MYO9B: variants seen among roughly 807,000 people sequenced by gnomAD.
MYO9B encodes the protein myosin IXB.
Under a neutral mutation model 229.5 loss-of-function variants are expected in MYO9B, and 71 were observed. The ratio of observed to expected loss-of-function variants is 0.31; its 90% CI spans 0.26 to 0.38. The LOEUF is 0.38. Ranked by LOEUF, MYO9B falls within the 10% of genes least tolerant of loss-of-function variation. The pLI is 1.00. For synonymous variants in MYO9B, 1,185 were observed against 1,235.8 expected, an observed-to-expected ratio of 0.96 and a Z score of 0.86; for missense variants, 2,255 against 2,920.5, an observed-to-expected ratio of 0.77 and a Z score of 5.25.
chr19:17,207,027 C>T, intron 34 of MYO9B, 86 bp from the exon 35 acceptor site: 3 of 1,529,728 alleles, frequency 2.0e-6, no homozygotes, highest in Non-Finnish European at 2.7e-6. Flanking sequence ...AACAGCCACC[C>T]CAGGGCTCAG....
intron 15 of MYO9B, among the ~76,000 whole-genome samples, chr19:17,182,377 C>T (rs374052757): frequency 2.4e-4 from 36 of 152,174 alleles, no homozygotes; most frequent in Middle Eastern, 3.4e-3. Context: ...CATGAGCCAC[C>T]GCACCCAGTG....
intron 11 of MYO9B, among the ~76,000 whole-genome samples, chr19:17,170,613 C>A (rs1402983784): frequency 7.2e-6 from 1 of 138,918 alleles, no homozygotes; most frequent in Non-Finnish European, 1.5e-5. Flanking sequence ...GAGTTAAAGA[C>A]CAGCCTGGGC....
Position 17,211,759 on chromosome 19 carries a change from C to CG in MYO9B, c.6049dup (p.Ala2017GlyfsTer183), listed in dbSNP as rs1325294870. On this transcript the variant is annotated frameshift_variant, in exon 39 of 40. Coordinates refer to ENST00000682292, the MANE Select transcript of MYO9B (RefSeq NM_004145.4). LOFTEE classifies it low-confidence loss of function (END_TRUNC). ...GAGCCTGCTGGAGGAGCGGGCCGGG[C>CG]GGGGGGCCTCGGAAGGTCAGTATTA... The CG allele has an allele frequency of 3.1e-6, 5 of 1,612,820 alleles. No homozygotes were observed. The highest frequency in any genetic ancestry group is 1.7e-5 in the Admixed American group (1 of 59,930).
chr19:17,151,045 C>T (rs556658429), intron 3 of MYO9B, among the ~76,000 whole-genome samples: 2 of 151,456 alleles, frequency 1.3e-5, no homozygotes, highest in East Asian at 3.9e-4. Context: ...TTTGGGAGGC[C>T]AAGGTGGGTG....
chr19:17,115,283 C>CTGG, intron 2 of MYO9B, among the ~76,000 whole-genome samples: 1 of 152,288 alleles, frequency 6.6e-6, no homozygotes, highest in South Asian at 2.1e-4. Flanking sequence ...CATATCATCC[C>CTGG]TGGCATCTTT....
At chr19:17,203,705 C>T (rs1010757268) in intron 30 of MYO9B, among the ~76,000 whole-genome samples, 2 of 152,074 alleles carry the variant, frequency 1.3e-5, no homozygotes, top group Admixed American at 6.6e-5. Context: ...CCCCTCAAAC[C>T]GTCCACCATC....
At chr19:17,163,365 C>A (rs1335679993) in intron 10 of MYO9B, among the ~76,000 whole-genome samples, 4 of 139,512 alleles carry the variant, frequency 2.9e-5, no homozygotes, top group Non-Finnish European at 4.6e-5. Context: ...GAACTCACCC[C>A]ATTCCACTTT....
chr19:17,186,649 G>A (rs1038193886), intron 18 of MYO9B, among the ~76,000 whole-genome samples: 1 of 152,130 alleles, frequency 6.6e-6, no homozygotes, highest in Non-Finnish European at 1.5e-5. Flanking sequence ...TTGTGCACTG[G>A]AGGGTGGCAG....
At chr19:17,155,333 C>T (rs983458745) in intron 6 of MYO9B, among the ~76,000 whole-genome samples, 7 of 151,918 alleles carry the variant, frequency 4.6e-5, no homozygotes, top group Non-Finnish European at 1.0e-4. Flanking sequence ...GGACTACAGG[C>T]GCGTGCCACC....
At position 17,172,205 on chromosome 19, in the gene MYO9B, T is replaced by G; in HGVS notation, c.1794-131T>G. 8.5e-7 allele frequency: 1 copy of G among 1,173,124 alleles called. No individual in the cohort carries two copies. The highest frequency in any genetic ancestry group is 2.5e-5 in the East Asian group (1 of 39,276). 72.7% of individuals were successfully genotyped at this position (1,173,124 alleles called of 1,614,324 possible). The stretch of plus-strand genomic sequence containing the variant: ...ACCCACCCCTCTGTGCACAGAGCCC[T>G]GTGCCACTTCACTGCTCTGCCCACC... On this transcript the variant is annotated intron_variant, in intron 11 of 39. Coordinates refer to ENST00000682292, the MANE Select transcript of MYO9B (RefSeq NM_004145.4). This position sits in a 1 kb window ranked among gnomAD's most constrained non-coding sequence, Gnocchi z 8.2.
intron 19 of MYO9B, among the ~76,000 whole-genome samples, chr19:17,190,719 C>T (rs1191957309): frequency 1.3e-5 from 2 of 151,328 alleles, no homozygotes; most frequent in Middle Eastern, 3.2e-3. Context: ...ATTACAATGG[C>T]GCAATCTTGG....
intron 14 of MYO9B, chr19:17,180,555 G>A: frequency 6.4e-6 from 1 of 156,008 alleles, no homozygotes; most frequent in Non-Finnish European, 1.4e-5. Flanking sequence ...TCGCCATGTT[G>A]GCCAGGCTGG....
rs781154008 is a variant in MYO9B, at chr19:17,159,389, A to T, written c.1330-6A>T. The stretch of plus-strand genomic sequence containing the variant: ...TTCCTTCTCCCTCTCCTTGACCTCC[A>T]AACAGGTGAAGCGAGAAATCTTGGT... On this transcript the variant is annotated splice_polypyrimidine_tract_variant and splice_region_variant and intron_variant, in intron 7 of 39. Coordinates refer to ENST00000682292, the MANE Select transcript of MYO9B (RefSeq NM_004145.4). The T allele has an allele frequency of 1.3e-6, 2 of 1,599,932 alleles. No individual in the cohort carries two copies. Among genetic ancestry groups the T allele is most frequent in the Non-Finnish European group, 1.7e-6 (2 of 1,173,264 alleles).
At chr19:17,089,271 TAA>T (rs111698994) in intron 1 of MYO9B, among the ~76,000 whole-genome samples, 6 of 140,576 alleles carry the variant, frequency 4.3e-5, no homozygotes, top group African/African-American at 7.8e-5. Flanking sequence ...GCGTTTCTTC[TAA>T]AAAAAAAAAA....
intron 1 of MYO9B, among the ~76,000 whole-genome samples, chr19:17,098,045 ACCC>A (rs10602502): frequency 1.8e-3 from 239 of 132,570 alleles, no homozygotes; most frequent in Middle Eastern, 7.5e-3. Flanking sequence ...ATCCTTCAGA[ACCC>A]CCCCCCCCCA....
In MYO9B at chr19:17,152,615, T is replaced by G. The variant is rs1374454197; in HGVS notation, c.936-29T>G. On this transcript the variant is annotated intron_variant, in intron 3 of 39. Transcript: ENST00000682292. ...AACACAATACTAAAATGTAATGTTT[T>G]ATTCTTTCTGTTTTTCTCTTAATGA... The G allele has an allele frequency of 2.5e-6, 4 of 1,591,506 alleles. No homozygotes were observed. The African/African-American group carries it at 5.4e-5, about 22-fold the overall frequency.
rs1418948239 is a variant in MYO9B, at chr19:17,200,721, T to G, written c.4455T>G (p.Asn1485Lys). ...GAGGCAAAGGGAAGAAGAACCGAAA[T>G]GTCAAGATTGGGAAGATCACAGTGT... ...EPGGKGKKNRNVKIGKITVSE... is the reference protein window; with the variant it reads ...EPGGKGKKNRKVKIGKITVSE... The change falls in exon 26 of 40, where the codon AAT becomes AAG. Residue 1485 changes from asparagine to lysine, a missense_variant. Asn to Lys is a moderately conservative substitution (Grantham distance 94). This residue lies in a region of MYO9B where 416 missense variants were observed against 605.5 expected (regional missense o/e 0.69). Coordinates refer to ENST00000682292, the MANE Select transcript of MYO9B (RefSeq NM_004145.4). 1 of 1,613,924 alleles carries G rather than the reference T, an allele frequency of 6.2e-7. No homozygotes were observed. The highest frequency in any genetic ancestry group is 1.3e-5 in the African/African-American group (1 of 74,996).
chr19:17,086,265 T>G (rs1197957390), intron 1 of MYO9B, among the ~76,000 whole-genome samples: 2 of 152,146 alleles, frequency 1.3e-5, no homozygotes, highest in African/African-American at 4.8e-5. Context: ...GCCTCCAGCC[T>G]TGGACCCACC....
intron 2 of MYO9B, among the ~76,000 whole-genome samples, chr19:17,138,958 G>A (rs938537549): frequency 6.6e-6 from 1 of 152,078 alleles, no homozygotes; most frequent in Admixed American, 6.6e-5. Flanking sequence ...GATCATCTGA[G>A]GTCAGGAGTT....
Sources: gnomAD v4.1 joint callset for allele counts (sites outside exome capture counted in the v4.1 genomes callset) on GRCh38, gnomAD v4.1.1 for gene constraint, gnomAD v4.1.1 regional missense constraint, Gnocchi (gnomAD v3.1) non-coding constraint, MANE v1.5 for transcripts, NCBI Gene and HGNC (gene_info 2026-07-23, HGNC 2026-07-21) for gene names.